The following STAG1 variants were observed in gnomAD, a reference collection of about 807,000 sequenced individuals.
STAG1 encodes STAG1 cohesin complex component.
A neutral mutation model predicts 170.9 loss-of-function variants in STAG1; 26 were observed. That is an observed-to-expected ratio of 0.15 (90% confidence interval 0.11 to 0.21). The LOEUF (loss-of-function observed/expected upper bound fraction) is 0.21, where lower values mean the gene tolerates loss of function less well. STAG1 is among the 10% of genes least tolerant of loss of function. The probability of loss-of-function intolerance (pLI) is 1.00; values close to 1 mark genes in which losing one functional copy is unlikely to be tolerated. For synonymous variants in STAG1, 514 were observed against 497.7 expected, an observed-to-expected ratio of 1.03 and a Z score of -0.44; for missense variants, 964 against 1,509.5, an observed-to-expected ratio of 0.64 and a Z score of 5.99.
chr3:136,450,945 T>A (rs1230115303), intron 14 of STAG1, among the ~76,000 whole-genome samples: 2 of 152,100 alleles, frequency 1.3e-5, no homozygotes, highest in African/African-American at 4.8e-5. Flanking sequence ...GACGGACTTT[T>A]GCTATATTAG....
intron 21 of STAG1, among the ~76,000 whole-genome samples, chr3:136,414,199 C>T (rs2087708190): frequency 7.7e-6 from 1 of 129,798 alleles, no homozygotes; most frequent in African/African-American, 2.4e-5. Flanking sequence ...ATTGATTCTT[C>T]CTTTCATAAA....
chr3:136,747,093 TAAAAAAAA>T (rs71134408), intron 1 of STAG1, among the ~76,000 whole-genome samples: 1,311 of 59,376 alleles, frequency 0.022, 30 homozygotes, highest in African/African-American at 0.1. Flanking sequence ...TGAAACTGTC[TAAAAAAAA>T]AAAAAAAAAA....
At chr3:136,538,463 G>T (rs1482662284) in intron 6 of STAG1, among the ~76,000 whole-genome samples, 1 of 149,178 alleles carries the variant, frequency 6.7e-6, no homozygotes, top group African/African-American at 2.5e-5. Flanking sequence ...CTGTTGCCCA[G>T]GCTGGAATGC....
intron 9 of STAG1, among the ~76,000 whole-genome samples, chr3:136,485,772 G>A (rs940694122): frequency 1.6e-4 from 24 of 152,034 alleles, no homozygotes; most frequent in African/African-American, 5.3e-4. Flanking sequence ...TTATCCTGTA[G>A]GCCTCCTTCT....
chr3:136,666,325 G>A (rs1030912596), intron 1 of STAG1, among the ~76,000 whole-genome samples: 19 of 152,140 alleles, frequency 1.2e-4, no homozygotes, highest in African/African-American at 4.3e-4. Flanking sequence ...CTCTTAAGCA[G>A]AGACCTTGCC....
chr3:136,494,351 T>C (rs761181127), intron 9 of STAG1, among the ~76,000 whole-genome samples: 4 of 152,202 alleles, frequency 2.6e-5, no homozygotes, highest in Non-Finnish European at 5.9e-5. Flanking sequence ...TAAAAACCTT[T>C]ACACAAAGAA....
intron 9 of STAG1, among the ~76,000 whole-genome samples, chr3:136,494,742 C>T (rs1406727834): frequency 6.6e-6 from 1 of 152,130 alleles, no homozygotes; most frequent in Non-Finnish European, 1.5e-5. Flanking sequence ...ATGATAAAAA[C>T]ACCCAACAAA....
intron 23 of STAG1, among the ~76,000 whole-genome samples, chr3:136,376,061 T>TAAAATAAAATAAAATAAAAAA (rs1560069542): frequency 8.6e-6 from 1 of 116,612 alleles, no homozygotes; most frequent in Admixed American, 8.3e-5. Flanking sequence ...CAAAATAAAA[T>TAAAATAAAATAAAATAAAAAA]AAATGGCAGA....
intron 1 of STAG1, among the ~76,000 whole-genome samples, chr3:136,652,502 A>G (rs951256916): frequency 3.3e-5 from 5 of 152,244 alleles, no homozygotes; most frequent in Non-Finnish European, 5.9e-5. Flanking sequence ...AGAACACTAC[A>G]AAGACGCCTA....
At chr3:136,682,891 G>C (rs1034971307) in intron 1 of STAG1, among the ~76,000 whole-genome samples, 7 of 152,096 alleles carry the variant, frequency 4.6e-5, no homozygotes, top group African/African-American at 7.2e-5. Flanking sequence ...ACGGATAAAT[G>C]GATAAAAATG....
chr3:136,541,887 T>G (rs959580065), intron 6 of STAG1, among the ~76,000 whole-genome samples: 1 of 152,128 alleles, frequency 6.6e-6, no homozygotes, highest in Non-Finnish European at 1.5e-5. Flanking sequence ...TACTTTTACC[T>G]CATATCACTA....
Position 136,472,334 on chromosome 3 carries a change from T to A in STAG1, c.1205+79A>T, listed in dbSNP as rs563302026. The A allele has an allele frequency of 4.0e-5, 38 of 948,054 alleles. No homozygotes were observed. In the East Asian group the frequency reaches 9.1e-4, roughly 23 times the overall value. The allele number at this position is 948,054 out of a possible 1,614,324, so 58.7% of individuals were successfully genotyped here. A position where few individuals can be genotyped will look rare whatever the true frequency, so the allele number is the denominator to read the frequency against. ...GATAAACATATACATAAGGACTATA[T>A]ATAGATAGGACATTAAAAATCCTGG... is the stretch of plus-strand genomic sequence containing the variant. On this transcript the variant is annotated intron_variant, in intron 12 of 33. Coordinates refer to ENST00000383202, the MANE Select transcript of STAG1 (RefSeq NM_005862.3).
chr3:136,423,143 A>G (rs992089768), intron 16 of STAG1, 99 bp from the exon 17 acceptor site: 8 of 717,092 alleles, frequency 1.1e-5, no homozygotes, highest in Admixed American at 7.1e-5. Context: ...TATAACCACA[A>G]ATTTTAAGAG....
chr3:136,352,674 C>A (rs1936479614), intron 28 of STAG1, among the ~76,000 whole-genome samples: 1 of 151,918 alleles, frequency 6.6e-6, no homozygotes, highest in South Asian at 2.1e-4. Context: ...ATGGTGAGTA[C>A]CTATACAATC....
intron 1 of STAG1, among the ~76,000 whole-genome samples, chr3:136,751,491 G>C (rs1045419870): frequency 2.0e-5 from 3 of 152,002 alleles, no homozygotes; most frequent in Admixed American, 1.3e-4. Flanking sequence ...GCAAACTAGC[G>C]GGGCAGTGCT....
intron 5 of STAG1, among the ~76,000 whole-genome samples, chr3:136,545,245 T>G (rs1472710729): frequency 1.3e-5 from 2 of 152,138 alleles, no homozygotes; most frequent in Non-Finnish European, 2.9e-5. Context: ...AAGTTTTGTA[T>G]TTTTAGTAGA....
intron 29 of STAG1, among the ~76,000 whole-genome samples, chr3:136,347,700 A>C (rs985201680): frequency 9.2e-5 from 14 of 152,244 alleles, no homozygotes; most frequent in African/African-American, 3.1e-4. Context: ...CTGATGCTAG[A>C]TAGATATGAG....
At chr3:136,419,916 G>A (rs1311718034) in intron 20 of STAG1, among the ~76,000 whole-genome samples, 1 of 152,022 alleles carries the variant, frequency 6.6e-6, no homozygotes, top group Non-Finnish European at 1.5e-5. Context: ...TTAAGTGATA[G>A]CTAAATCATT....
chr3:136,655,896 C>T (rs1941356033), intron 1 of STAG1, among the ~76,000 whole-genome samples: 1 of 151,856 alleles, frequency 6.6e-6, no homozygotes, highest in Non-Finnish European at 1.5e-5. Flanking sequence ...ATAGACTTAC[C>T]ATACAATCCA....
Sources: allele counts gnomAD v4.1 joint callset (sites outside exome capture counted in the v4.1 genomes callset), GRCh38; gene constraint gnomAD v4.1.1; transcripts MANE v1.5; gene names NCBI Gene and HGNC (gene_info 2026-07-23, HGNC 2026-07-21).